The following AFF3 variants were observed in gnomAD, a reference collection of about 807,000 sequenced individuals.
AFF3 encodes AF4/FMR2 family member 3.
In AFF3, 32 loss-of-function variants were observed where a neutral mutation model predicts 129.7. That is an observed-to-expected ratio of 0.25 (90% confidence interval 0.19 to 0.33). The LOEUF (loss-of-function observed/expected upper bound fraction) is 0.33, where lower values mean the gene tolerates loss of function less well. Ranked by LOEUF, AFF3 falls within the 10% of genes least tolerant of loss-of-function variation. The probability of loss-of-function intolerance (pLI) is 1.00; values close to 1 mark genes in which losing one functional copy is unlikely to be tolerated. For synonymous variants in AFF3, 644 were observed against 635.4 expected, an observed-to-expected ratio of 1.01 and a Z score of -0.20; for missense variants, 1,373 against 1,592.0, an observed-to-expected ratio of 0.86 and a Z score of 2.34.
At chr2:99,551,915 C>T (rs973904699) in intron 24 of AFF3, among the ~76,000 whole-genome samples, 13 of 152,214 alleles carry the variant, frequency 8.5e-5, no homozygotes, top group African/African-American at 2.2e-4. Context: ...TGAACGTGAA[C>T]GTGGCTCTGT....
intron 7 of AFF3, among the ~76,000 whole-genome samples, chr2:99,968,407 G>A (rs767047628): frequency 4.6e-5 from 7 of 152,164 alleles, no homozygotes; most frequent in African/African-American, 7.2e-5. Context: ...CATCTACAGA[G>A]TTAAGGATGC....
At chr2:99,650,802 G>A (rs977576638) in intron 12 of AFF3, among the ~76,000 whole-genome samples, 4 of 136,840 alleles carry the variant, frequency 2.9e-5, no homozygotes, top group Non-Finnish European at 4.9e-5. Flanking sequence ...ATTAATGTGT[G>A]TGTGTGTGTG....
chr2:99,995,409 G>T (rs1340525965), intron 7 of AFF3, among the ~76,000 whole-genome samples: 5 of 150,474 alleles, frequency 3.3e-5, no homozygotes, highest in African/African-American at 4.9e-5. Context: ...GTCTTGCTCT[G>T]TCACCCAGGC....
intron 4 of AFF3, among the ~76,000 whole-genome samples, chr2:100,061,033 C>G (rs1219847093): frequency 6.6e-6 from 1 of 152,210 alleles, no homozygotes; most frequent in Non-Finnish European, 1.5e-5. Context: ...TCACTCATCA[C>G]TAGACCCAGA....
intron 11 of AFF3, among the ~76,000 whole-genome samples, chr2:99,712,327 G>A (rs923654247): frequency 6.6e-6 from 1 of 152,216 alleles, no homozygotes; most frequent in Non-Finnish European, 1.5e-5. Context: ...ACACTCACTG[G>A]CTGAGCTCTT....
intron 7 of AFF3, among the ~76,000 whole-genome samples, chr2:99,968,614 A>G (rs1442275400): frequency 6.6e-6 from 1 of 152,204 alleles, no homozygotes; most frequent in African/African-American, 2.4e-5. Context: ...GATGGCTTTC[A>G]CTGCCCTGAA....
chr2:99,771,212 A>G (rs1683450157), intron 8 of AFF3, among the ~76,000 whole-genome samples: 1 of 152,164 alleles, frequency 6.6e-6, no homozygotes, highest in African/African-American at 2.4e-5. Flanking sequence ...GAACAATGAG[A>G]ACACATGGAC....
chr2:99,870,958 C>T (rs1454758428), intron 7 of AFF3, among the ~76,000 whole-genome samples: 1 of 152,168 alleles, frequency 6.6e-6, no homozygotes, highest in African/African-American at 2.4e-5. Flanking sequence ...TCCTCATAGG[C>T]ATTTTGTAAT....
intron 11 of AFF3, among the ~76,000 whole-genome samples, chr2:99,678,378 T>G (rs1674204075): frequency 1.3e-5 from 2 of 152,236 alleles, no homozygotes; most frequent in Admixed American, 6.5e-5. Context: ...CAGCCTACAC[T>G]TAACAGATGG....
At chr2:99,665,799 G>A (rs1686621002) in intron 12 of AFF3, among the ~76,000 whole-genome samples, 2 of 152,226 alleles carry the variant, frequency 1.3e-5, no homozygotes, top group African/African-American at 4.8e-5. Flanking sequence ...AAAAGAGCCT[G>A]AGAAGAGAAG....
intron 7 of AFF3, among the ~76,000 whole-genome samples, chr2:99,943,531 G>C (rs562321496): frequency 3.3e-5 from 5 of 152,178 alleles, no homozygotes; most frequent in Admixed American, 3.3e-4. Context: ...ATCAGTAAAA[G>C]AAAATGTGAC....
chr2:99,843,257 C>T (rs1217536480), intron 7 of AFF3, among the ~76,000 whole-genome samples: 2 of 152,176 alleles, frequency 1.3e-5, no homozygotes, highest in East Asian at 1.9e-4. Flanking sequence ...CACCTGTGAA[C>T]AGAGGCAGAC....
intron 4 of AFF3, among the ~76,000 whole-genome samples, chr2:100,050,872 T>C (rs1038848847): frequency 3.7e-4 from 56 of 152,206 alleles, no homozygotes; most frequent in African/African-American, 1.2e-3. Context: ...GATGCTGCTA[T>C]TGACTAATGT....
intron 20 of AFF3, among the ~76,000 whole-genome samples, chr2:99,561,730 G>T (rs1354363327): frequency 6.6e-6 from 1 of 152,110 alleles, no homozygotes; most frequent in Admixed American, 6.6e-5. Context: ...AACTCATAAG[G>T]AGTAGTTTAT....
At chr2:99,998,050 AGGAATTTAGGTAGGCTAT>A (rs1261791033) in intron 7 of AFF3, among the ~76,000 whole-genome samples, 16 of 152,150 alleles carry the variant, frequency 1.1e-4, no homozygotes, top group Non-Finnish European at 1.5e-5. Flanking sequence ...AAATTCTAAC[AGGAATTTAGGTAGGCTAT>A]GGTGACACAG....
chr2:100,059,107 G>A (rs1316656749), intron 4 of AFF3, among the ~76,000 whole-genome samples: 1 of 151,772 alleles, frequency 6.6e-6, no homozygotes, highest in East Asian at 1.9e-4. Flanking sequence ...ACAAAAATTA[G>A]CCAGGCTTGG....
At chr2:99,904,692 A>G (rs1694584716) in intron 7 of AFF3, among the ~76,000 whole-genome samples, 1 of 152,106 alleles carries the variant, frequency 6.6e-6, no homozygotes, top group African/African-American at 2.4e-5. Context: ...TCAATAATCA[A>G]CCTTCCCTTT....
At chr2:99,574,744 A>G (rs1030571840) in intron 18 of AFF3, among the ~76,000 whole-genome samples, 1 of 152,242 alleles carries the variant, frequency 6.6e-6, no homozygotes, top group Non-Finnish European at 1.5e-5. Flanking sequence ...ATTAAATGAC[A>G]GTGTGGCATC....
At chr2:99,850,643 A>G (rs553899485) in intron 7 of AFF3, among the ~76,000 whole-genome samples, 1 of 152,368 alleles carries the variant, frequency 6.6e-6, no homozygotes, top group East Asian at 1.9e-4. Flanking sequence ...CTACACTTCT[A>G]AAATGTAAGA....
Sources: gnomAD v4.1 joint callset for allele counts (sites outside exome capture counted in the v4.1 genomes callset) on GRCh38, gnomAD v4.1.1 for gene constraint, MANE v1.5 for transcripts, NCBI Gene and HGNC (gene_info 2026-07-23, HGNC 2026-07-21) for gene names.